The following EOLA2 variants were observed in gnomAD, a reference collection of about 807,000 sequenced individuals.
EOLA2 encodes protein EOLA2.
EOLA2 carries 3 observed loss-of-function variants against 4.1 expected under a neutral mutation model. That is an observed-to-expected ratio of 0.73 (90% CI 0.33 to 1.89). The LOEUF (loss-of-function observed/expected upper bound fraction) is 1.89. EOLA2 is among the 40% of genes most tolerant of loss of function. The probability of loss-of-function intolerance (pLI) is 0.08; values close to 1 mark genes in which losing one functional copy is unlikely to be tolerated. For synonymous variants in EOLA2, 52 were observed against 51.7 expected, an observed-to-expected ratio of 1.01 and a Z score of -0.03; for missense variants, 109 against 126.4, an observed-to-expected ratio of 0.86 and a Z score of 0.66.
At chrX:149,935,443 G>A (rs1487634537) in intron 2 of EOLA2, among the ~76,000 whole-genome samples, 2 of 49,417 alleles carry the variant, frequency 4.0e-5, no homozygotes, top group South Asian at 2.3e-3. Flanking sequence ...GACCTCAGAA[G>A]AGCTGTCTAC....
rs781795464 is a variant in EOLA2, at chrX:149,938,423, T to C, written c.-441A>G. 1.3e-4 allele frequency: 15 copies of C among 112,948 alleles called. No homozygotes were observed. The highest frequency in any genetic ancestry group is 4.5e-4 in the African/African-American group (14 of 31,146). The allele number at this position is 112,948 out of a possible 1,213,427, so 9.3% of individuals were successfully genotyped here. Reference sequence around the variant, plus strand: ...CCGGAAACCGGTGGCCAGTGACAGATGCTAGCGGTCCATAACTTCGGCTTT... The same window carrying C: ...CCGGAAACCGGTGGCCAGTGACAGACGCTAGCGGTCCATAACTTCGGCTTT... On this transcript the variant is annotated 5_prime_UTR_variant, in exon 1 of 5. Transcript: ENST00000370406.
rs1234065946 is a variant in EOLA2 at position 149,933,627 on chromosome X, A to G, written c.248T>C (p.Ile83Thr). Residue 83 changes from isoleucine (I) to threonine (T), a missense_variant, in exon 4 of 5, where the codon ATA becomes ACA. Physicochemically the swap from Ile to Thr is moderately conservative, Grantham distance 89. Transcript: ENST00000370406. Reference sequence around the variant, plus strand: ...TTTGGTACATTGTCACTTACCCGCTATCACTCCTCGACCAAACTTTTCCCC... The same window carrying G: ...TTTGGTACATTGTCACTTACCCGCTGTCACTCCTCGACCAAACTTTTCCCC... ...RKGEKFGRGV[I>T]AGLVDIGETL... 16 of 1,201,122 alleles carry G rather than the reference A, an allele frequency of 1.3e-5. No individual in the cohort carries two copies. The highest frequency in any genetic ancestry group is 1.7e-5 in the Non-Finnish European group (15 of 891,381).
At chrX:149,935,776 C>T (rs1174491198) in intron 2 of EOLA2, among the ~76,000 whole-genome samples, 1 of 105,846 alleles carries the variant, frequency 9.4e-6, no homozygotes, top group Non-Finnish European at 1.9e-5. Flanking sequence ...ACCACCAAGT[C>T]CACCTCCCTT....
chrX:149,932,727 G>A lies in EOLA2; in HGVS notation c.294C>T (p.Asp98=), dbSNP rs782331192. The change falls in exon 5 of 5, where the codon GAC becomes GAT. Residue 98 remains aspartate, a synonymous_variant. Transcript: ENST00000370406. ...DIGETLQCPE[D]LTPDEVVELE... ...GTTCCACAACCTCATCGGGAGTTAA[G>A]TCTTCGGGGCATTGCAAAGTTTCCC... 7.5e-6 allele frequency: 9 copies of A among 1,203,515 alleles called. 1 individual carries two copies. In the Middle Eastern group the frequency reaches 6.9e-4, roughly 92 times the overall value.
At chrX:149,937,215 G>C (rs1175082666) in intron 2 of EOLA2, among the ~76,000 whole-genome samples, 1 of 112,235 alleles carries the variant, frequency 8.9e-6, no homozygotes, top group African/African-American at 3.2e-5. Flanking sequence ...GACGGAGGCT[G>C]AATGTCCCCC....
intron 2 of EOLA2, among the ~76,000 whole-genome samples, chrX:149,935,633 G>C (rs1164354780): frequency 1.0e-5 from 1 of 100,300 alleles, no homozygotes; most frequent in Non-Finnish European, 2.0e-5. Context: ...AGCATGGCTG[G>C]GCACACTCCT....
At position 149,933,714 on chromosome X, in the gene EOLA2, C is replaced by G. The variant is rs782633393; in HGVS notation, c.161G>C (p.Arg54Pro). Residue 54 changes from arginine to proline, a missense_variant, in exon 4 of 5, where the codon CGG becomes CCG. By Grantham distance (103) the Arg-to-Pro change is moderately radical (BLOSUM62 -2). Transcript: ENST00000370406. ...AHRDWEGDAC[R>P]ELLVERLGMT... is the part of the protein sequence containing the mutation. ...CCCGAGTCTCTCCACCAGCAGCTCCCGACAGGCATCGCCTTCCCAGTCCCT... is the reference window on the plus strand; with the variant it reads ...CCCGAGTCTCTCCACCAGCAGCTCCGGACAGGCATCGCCTTCCCAGTCCCT... The G allele has an allele frequency of 5.0e-6, 6 of 1,207,802 alleles. No individual in the cohort carries two copies. The highest frequency in any genetic ancestry group is 6.7e-6 in the Non-Finnish European group (6 of 894,837).
chrX:149,932,691 T>C lies in EOLA2; in HGVS notation c.330A>G (p.Gln110=). The C allele has an allele frequency of 1.7e-6, 2 of 1,208,532 alleles. No homozygotes were observed. The highest frequency in any genetic ancestry group is 2.3e-4 in the Middle Eastern group (1 of 4,343). ...TCTGCTTCAGGTTGGTCAGTGCAGC[T>C]TGATTTTCTAGTTCCACAACCTCAT... ...TPDEVVELEN[Q]AALTNLKQKY... The change falls in exon 5 of 5, where the codon CAA becomes CAG. Residue 110 remains glutamine, a synonymous_variant. Transcript: ENST00000370406.
At chrX:149,937,181 G>A (rs2091018060) in intron 2 of EOLA2, among the ~76,000 whole-genome samples, 1 of 111,541 alleles carries the variant, frequency 9.0e-6, no homozygotes, top group Non-Finnish European at 1.9e-5. Context: ...AGATAACCAG[G>A]TTCCTTGGTT....
In EOLA2 at chrX:149,934,022, T is replaced by A; in HGVS notation, c.-47A>T. The stretch of plus-strand genomic sequence containing the variant: ...GCACTGACCTTGATGGTCTGCTGCT[T>A]CCGTCTGTCACTGATGTCGAGCACC... On this transcript the variant is annotated 5_prime_UTR_variant, in exon 3 of 5. Coordinates refer to ENST00000370406, the MANE Select transcript of EOLA2 (RefSeq NM_001013845.2). 1 of 1,108,283 alleles carries A rather than the reference T, an allele frequency of 9.0e-7. No individual in the cohort carries two copies. The highest frequency in any genetic ancestry group is 3.3e-5 in the Admixed American group (1 of 30,015). The allele number at this position is 1,108,283 out of a possible 1,213,427, so 91.3% of individuals were successfully genotyped here.
In EOLA2 at chrX:149,934,034, T is replaced by C; in HGVS notation, c.-59A>G. On this transcript the variant is annotated 5_prime_UTR_variant, in exon 3 of 5. Transcript: ENST00000370406. ...ATGGTCTGCTGCTTCCGTCTGTCAC[T>C]GATGTCGAGCACCACAGCAGGCCCA... 1 of 1,099,434 alleles carries C rather than the reference T, an allele frequency of 9.1e-7. No homozygotes were observed. Among genetic ancestry groups the C allele is most frequent in the Non-Finnish European group, 1.2e-6 (1 of 843,083 alleles). 90.6% of individuals were successfully genotyped at this position (1,099,434 alleles called of 1,213,427 possible).
intron 2 of EOLA2, among the ~76,000 whole-genome samples, chrX:149,937,223 C>A (rs2091019443): frequency 8.9e-6 from 1 of 112,149 alleles, no homozygotes; most frequent in Non-Finnish European, 1.9e-5. Flanking sequence ...CTGAATGTCC[C>A]CCACAGGGCC....
downstream of EOLA2, chrX:149,930,245 T>C: frequency 9.4e-7 from 1 of 1,061,154 alleles, no homozygotes; most frequent in Admixed American, 4.0e-5. Flanking sequence ...CATTTGAAAA[T>C]GTGAAATATT....
downstream of EOLA2, chrX:149,930,190 A>T: frequency 9.1e-7 from 1 of 1,095,613 alleles, no homozygotes; most frequent in Non-Finnish European, 1.2e-6. Flanking sequence ...TTCATAGGAC[A>T]CCAATTTGAA....
At chrX:149,931,044 C>A, downstream of EOLA2, 1 of 938,092 alleles carries the variant, frequency 1.1e-6, no homozygotes, top group Non-Finnish European at 1.3e-6. Context: ...TGTTACTACG[C>A]TCTGTTGGCC....
downstream of EOLA2, chrX:149,932,096 G>A: frequency 2.6e-6 from 2 of 772,982 alleles, no homozygotes; most frequent in Non-Finnish European, 3.1e-6. Flanking sequence ...CCAGGTCCCA[G>A]ACTTTCTGTA....
intron 2 of EOLA2, 37 bp downstream of exon 2, chrX:149,937,396 G>A (rs1426892145): frequency 1.7e-6 from 1 of 585,620 alleles, no homozygotes; most frequent in Non-Finnish European, 2.1e-6. Flanking sequence ...GCAAGAAGGG[G>A]GTTGAGTCCC....
intron 2 of EOLA2, 186 bp from the exon 3 acceptor site, chrX:149,934,323 T>G: frequency 1.8e-6 from 1 of 559,678 alleles, no homozygotes; most frequent in Non-Finnish European, 2.2e-6. Context: ...TTTCCCCTGC[T>G]GTGCCCTGCC....
chrX:149,933,739 T>C lies in EOLA2; in HGVS notation c.136A>G (p.Arg46Gly), dbSNP rs782228500. 1.7e-5 allele frequency: 21 copies of C among 1,206,811 alleles called. No homozygotes were observed. The East Asian group carries it at 5.3e-4, about 31-fold the overall frequency. The change falls in exon 4 of 5, where the codon AGG becomes GGG. Residue 46 changes from arginine (R) to glycine (G), a missense_variant. Coordinates refer to ENST00000370406, the MANE Select transcript of EOLA2 (RefSeq NM_001013845.2). ...CGACAGGCATCGCCTTCCCAGTCCC[T>C]GTGAGCAATGTGGACGGCGATGGTA... ...NCTIAVHIAH[R>G]DWEGDACREL...
Sources: allele counts gnomAD v4.1 joint callset (sites outside exome capture counted in the v4.1 genomes callset), GRCh38; gene constraint gnomAD v4.1.1; transcripts MANE v1.5; gene names NCBI Gene and HGNC (gene_info 2026-07-23, HGNC 2026-07-21).